The following TRPC7 variants were observed in gnomAD, a reference collection of about 807,000 sequenced individuals.
TRPC7 encodes the protein transient receptor potential cation channel subfamily C member 7, also known as short transient receptor potential channel 7.
A neutral mutation model predicts 90.1 loss-of-function variants in TRPC7; 42 were observed. The observed-to-expected ratio is 0.47, with a 90% CI of 0.36 to 0.60. The LOEUF is 0.60. TRPC7 is among the 20% of genes least tolerant of loss of function. The pLI is 0.00. For synonymous variants in TRPC7, 451 were observed against 436.3 expected (o/e 1.03, Z -0.42); for missense variants, 955 against 1,112.3 (o/e 0.86, Z 2.01).
In TRPC7 at chr5:136,356,913, T is replaced by A. The variant is rs765991425; in HGVS notation, c.475A>T (p.Thr159Ser). The A allele has an allele frequency of 1.9e-6, 3 of 1,613,800 alleles. No homozygotes were observed. Among genetic ancestry groups the A allele is most frequent in the Non-Finnish European group, 2.5e-6 (3 of 1,179,946 alleles). The change falls in exon 2 of 12, where the codon ACG (threonine) becomes TCG (serine). Residue 159 changes from threonine (T) to serine (S), a missense_variant. Physicochemically the swap from Thr to Ser is moderately conservative, Grantham distance 58. Transcript: ENST00000513104. ...GGCGTGATGTCGTGGGAGAAGCGCGTGCCGTCCTCGTCGTAGGCATAGAAG... is the reference window on the plus strand; with the variant it reads ...GGCGTGATGTCGTGGGAGAAGCGCGAGCCGTCCTCGTCGTAGGCATAGAAG... ...DDFYAYDEDG[T>S]RFSHDITPII... is the part of the protein sequence containing the mutation.
In TRPC7 at chr5:136,356,568, CT is replaced by C. The variant is rs1398285111; in HGVS notation, c.780+39del. On this transcript the variant is annotated intron_variant, in intron 2 of 11. Transcript: ENST00000513104. ...CACTGGACACACGTGGAAGAGCCCC[CT>C]GGGCAACCTGCCTGCAGGGTGCTAA... 8.0e-6 allele frequency: 12 copies of C among 1,498,468 alleles called. No individual in the cohort carries two copies. The South Asian group carries it at 1.6e-4, about 20-fold the overall frequency. The allele number at this position is 1,498,468 out of a possible 1,614,324, so 92.8% of individuals were successfully genotyped here.
At chr5:136,296,422 C>A (rs1190831645) in intron 3 of TRPC7, among the ~76,000 whole-genome samples, 1 of 151,942 alleles carries the variant, frequency 6.6e-6, no homozygotes, top group Non-Finnish European at 1.5e-5. Flanking sequence ...ACTCAGTAGC[C>A]CCACTCTCAG....
At chr5:136,233,223 G>A (rs1755874679) in intron 7 of TRPC7, among the ~76,000 whole-genome samples, 2 of 152,206 alleles carry the variant, frequency 1.3e-5, no homozygotes, top group South Asian at 4.1e-4. Flanking sequence ...TTAAAACTGT[G>A]ATTTTGAAAC....
chr5:136,359,176 A>G (rs775644646), intron 1 of TRPC7, among the ~76,000 whole-genome samples: 1 of 152,176 alleles, frequency 6.6e-6, no homozygotes, highest in Non-Finnish European at 1.5e-5. Context: ...GACCTGCTCA[A>G]ACCTTTTTGG....
chr5:136,277,699 G>A (rs1757412997), intron 3 of TRPC7, among the ~76,000 whole-genome samples: 1 of 152,212 alleles, frequency 6.6e-6, no homozygotes, highest in Admixed American at 6.5e-5. Context: ...ACTGATGGAA[G>A]AAAAGCTTAT....
At chr5:136,260,252 T>C (rs1270097011) in intron 5 of TRPC7, among the ~76,000 whole-genome samples, 7 of 152,070 alleles carry the variant, frequency 4.6e-5, no homozygotes, top group Non-Finnish European at 7.3e-5. Context: ...TACAGAAATA[T>C]CAGTATTAAT....
intron 8 of TRPC7, among the ~76,000 whole-genome samples, chr5:136,229,190 A>G (rs1417328964): frequency 6.6e-6 from 1 of 152,216 alleles, no homozygotes; most frequent in African/African-American, 2.4e-5. Context: ...CTTTAAAAAT[A>G]TATGTGTTGT....
intron 2 of TRPC7, among the ~76,000 whole-genome samples, chr5:136,330,960 G>A (rs1759479259): frequency 6.6e-6 from 1 of 152,154 alleles, no homozygotes; most frequent in African/African-American, 2.4e-5. Flanking sequence ...GAGAGGTTAT[G>A]GGAATGGGTG....
chr5:136,320,755 A>G lies in TRPC7; in HGVS notation c.781-4976T>C, dbSNP rs186120211. ...CACTTAGTGTGGACCAGACCTTTAC[A>G]CTGGCTATTCCCCTTGCTTGGACTC... On this transcript the variant is annotated intron_variant, in intron 2 of 11. Coordinates refer to ENST00000513104, the MANE Select transcript of TRPC7 (RefSeq NM_020389.3). 3.7e-3 allele frequency among the ~76,000 whole-genome samples: 557 copies of G among 151,742 alleles called. 2 individuals are homozygous for G. The highest frequency in any genetic ancestry group is 0.011 in the African/African-American group (471 of 41,364).
intron 3 of TRPC7, among the ~76,000 whole-genome samples, chr5:136,310,769 A>G (rs1440619105): frequency 2.0e-5 from 3 of 152,136 alleles, no homozygotes; most frequent in Admixed American, 2.0e-4. Flanking sequence ...GGCTGCTGCT[A>G]TTACAGTTAT....
intron 3 of TRPC7, among the ~76,000 whole-genome samples, chr5:136,305,643 G>A (rs986506362): frequency 2.6e-5 from 4 of 152,108 alleles, no homozygotes; most frequent in South Asian, 2.1e-4. Flanking sequence ...GAAGGCCACG[G>A]CAGTCATTTC....
At chr5:136,297,294 A>G (rs1309418792) in intron 3 of TRPC7, among the ~76,000 whole-genome samples, 1 of 152,130 alleles carries the variant, frequency 6.6e-6, no homozygotes, top group Non-Finnish European at 1.5e-5. Flanking sequence ...TATATTGTCC[A>G]CAGATGTAGC....
rs1423542582 is a variant in TRPC7, at chr5:136,226,087, C to T, written c.2209G>A (p.Ala737Thr). Residue 737 changes from alanine (A) to threonine (T), a missense_variant, in exon 9 of 12, where the codon GCC becomes ACC. Physicochemically the swap from Ala to Thr is moderately conservative, Grantham distance 58 (BLOSUM62 0). Transcript: ENST00000513104. ...TCAAGGTCATTTTCACAGCTTTTGG[C>T]CTTAGATTTGCAGAGTTTTATGAGG... Reference protein sequence around the residue: ...MCLIKLCKSKAKSCENDLEMG... With the variant: ...MCLIKLCKSKTKSCENDLEMG... The T allele has an allele frequency of 1.2e-6, 2 of 1,605,138 alleles. No individual in the cohort carries two copies. The highest frequency in any genetic ancestry group is 3.4e-5 in the Admixed American group (2 of 59,002).
At chr5:136,277,180 G>A (rs1468182223) in intron 3 of TRPC7, among the ~76,000 whole-genome samples, 2 of 152,252 alleles carry the variant, frequency 1.3e-5, no homozygotes, top group African/African-American at 4.8e-5. Flanking sequence ...AAGAGCAGAA[G>A]CTCTGAGAGA....
chr5:136,263,865 G>A (rs2149811152), intron 5 of TRPC7, among the ~76,000 whole-genome samples: 1 of 152,276 alleles, frequency 6.6e-6, no homozygotes, highest in African/African-American at 2.4e-5. Flanking sequence ...AAGGGAGGTG[G>A]GGGAAGTATA....
chr5:136,320,136 C>T (rs1054795036), intron 2 of TRPC7, among the ~76,000 whole-genome samples: 4 of 150,574 alleles, frequency 2.7e-5, no homozygotes, highest in Non-Finnish European at 5.9e-5. Context: ...TTAGTATTCC[C>T]TATTCTTTCA....
rs148243885 is a variant in TRPC7, at chr5:136,241,226, T to C, written c.1844+6245A>G. ...AAGCTACTTCCATTAAAATGATTCCTGGGGAGACAGAACAACCTTAATAGA... is the reference window on the plus strand; with the variant it reads ...AAGCTACTTCCATTAAAATGATTCCCGGGGAGACAGAACAACCTTAATAGA... On this transcript the variant is annotated intron_variant, in intron 7 of 11. Coordinates refer to ENST00000513104, the MANE Select transcript of TRPC7 (RefSeq NM_020389.3). 3.9e-3 allele frequency among the ~76,000 whole-genome samples: 599 copies of C among 152,360 alleles called. 3 individuals carry two copies. The highest frequency in any genetic ancestry group is 0.013 in the African/African-American group (545 of 41,590).
intron 3 of TRPC7, among the ~76,000 whole-genome samples, chr5:136,306,494 C>A (rs1433069245): frequency 1.3e-5 from 2 of 152,084 alleles, no homozygotes; most frequent in African/African-American, 4.8e-5. Flanking sequence ...ATACCACCCC[C>A]CAAAAATTTT....
At chr5:136,226,714 G>C (rs781443301) in intron 8 of TRPC7, among the ~76,000 whole-genome samples, 1 of 152,168 alleles carries the variant, frequency 6.6e-6, no homozygotes, top group Non-Finnish European at 1.5e-5. Context: ...AGCCACATAG[G>C]TAAGTTTCAA....
Sources: gnomAD v4.1 joint callset for allele counts (sites outside exome capture counted in the v4.1 genomes callset) on GRCh38, gnomAD v4.1.1 for gene constraint, MANE v1.5 for transcripts, NCBI Gene and HGNC (gene_info 2026-07-23, HGNC 2026-07-21) for gene names.